Variants in OPHN1 observed in about 807,000 individuals in gnomAD.
OPHN1 encodes the protein oligophrenin 1, also known as oligophrenin-1.
OPHN1 carries 11 observed loss-of-function variants against 60.7 expected under a neutral mutation model. The ratio of observed to expected loss-of-function variants is 0.18; its 90% CI spans 0.11 to 0.30. OPHN1 has a LOEUF of 0.30. OPHN1 is among the 10% of genes least tolerant of loss of function. The pLI is 1.00. For synonymous variants in OPHN1, 226 were observed against 222.6 expected (o/e 1.02, Z -0.14); for missense variants, 449 against 611.0 (o/e 0.73, Z 2.80).
chrX:68,283,014 T>C lies in OPHN1; in HGVS notation c.312+42A>G, dbSNP rs1250332471. ...TAAAGGAAAGGAAAAATCCCCTATA[T>C]CACCCATGAACTCAGCTTCAGTGAC... On this transcript the variant is annotated intron_variant, in intron 4 of 24. Coordinates refer to ENST00000355520, the MANE Select transcript of OPHN1 (RefSeq NM_002547.3). 2.8e-6 allele frequency: 3 copies of C among 1,061,288 alleles called. No individual in the cohort carries two copies. The East Asian group carries it at 9.1e-5, about 32-fold the overall frequency. 87.5% of individuals were successfully genotyped at this position (1,061,288 alleles called of 1,213,427 possible).
intron 2 of OPHN1, among the ~76,000 whole-genome samples, chrX:68,379,215 C>G (rs1379874955): frequency 9.0e-6 from 1 of 110,923 alleles, no homozygotes; most frequent in Non-Finnish European, 1.9e-5. Context: ...GGAGTTCACT[C>G]ATGATTTGGC....
intron 5 of OPHN1, among the ~76,000 whole-genome samples, chrX:68,264,376 C>A (rs1442262730): frequency 9.0e-6 from 1 of 111,497 alleles, no homozygotes; most frequent in East Asian, 2.8e-4. Flanking sequence ...GGGCTAATAT[C>A]TAGAATCTAC....
chrX:68,195,757 T>C (rs1174241356), intron 12 of OPHN1, among the ~76,000 whole-genome samples: 1 of 112,014 alleles, frequency 8.9e-6, no homozygotes, highest in Non-Finnish European at 1.9e-5. Flanking sequence ...CCCACAGATA[T>C]TTCAGTGGGA....
chrX:68,245,538 C>T (rs2077801524), intron 5 of OPHN1, among the ~76,000 whole-genome samples: 1 of 111,643 alleles, frequency 9.0e-6, no homozygotes, highest in East Asian at 2.8e-4. Context: ...GTTGCTGAGA[C>T]CAAGTCTACA....
intron 2 of OPHN1, among the ~76,000 whole-genome samples, chrX:68,359,813 G>A (rs1235483464): frequency 2.2e-5 from 2 of 91,227 alleles, no homozygotes; most frequent in African/African-American, 9.0e-5. Flanking sequence ...CGGAGATCGT[G>A]CCACTGCACT....
intron 2 of OPHN1, among the ~76,000 whole-genome samples, chrX:68,336,252 A>G (rs1266799004): frequency 2.7e-5 from 3 of 111,166 alleles, no homozygotes; most frequent in Non-Finnish European, 5.7e-5. Flanking sequence ...GGCCAGGAAC[A>G]GTGTTCACGC....
At chrX:68,219,270 A>T (rs1172660223) in intron 6 of OPHN1, among the ~76,000 whole-genome samples, 1 of 79,660 alleles carries the variant, frequency 1.3e-5, no homozygotes, top group Non-Finnish European at 2.4e-5. Context: ...GAGCACCAAG[A>T]TTCATAAAGC....
intron 2 of OPHN1, among the ~76,000 whole-genome samples, chrX:68,351,391 C>T (rs1039629584): frequency 3.6e-5 from 4 of 111,642 alleles, no homozygotes; most frequent in South Asian, 3.7e-4. Context: ...CACAAAATTT[C>T]GATTTATCTG....
chrX:68,394,672 A>T (rs1326390758), intron 2 of OPHN1, among the ~76,000 whole-genome samples: 1 of 111,633 alleles, frequency 9.0e-6, no homozygotes, highest in African/African-American at 3.3e-5. Context: ...CTTGAGACTG[A>T]GTCTCATTCT....
At chrX:68,298,912 C>A in intron 3 of OPHN1, 89 bp downstream of exon 3, 1 of 559,794 alleles carries the variant, frequency 1.8e-6, no homozygotes. Flanking sequence ...ATGAAGATGT[C>A]CAAGTGCTCT....
chrX:68,396,707 C>T (rs942034938), intron 2 of OPHN1, among the ~76,000 whole-genome samples: 3 of 110,514 alleles, frequency 2.7e-5, no homozygotes, highest in Admixed American at 1.9e-4. Context: ...CCCAGCTACC[C>T]GGGAGGCTGA....
chrX:68,099,648 G>A (rs2077050382), intron 18 of OPHN1, among the ~76,000 whole-genome samples: 2 of 112,111 alleles, frequency 1.8e-5, no homozygotes, highest in South Asian at 7.4e-4. Context: ...TGGCAAATTA[G>A]AAGCTTGTGC....
chrX:68,291,839 G>A (rs1252215521), intron 3 of OPHN1, among the ~76,000 whole-genome samples: 1 of 110,836 alleles, frequency 9.0e-6, no homozygotes, highest in African/African-American at 3.3e-5. Flanking sequence ...TCTTTGAGAT[G>A]TTCCTCATTA....
chrX:68,328,776 C>T (rs911923257), intron 2 of OPHN1, among the ~76,000 whole-genome samples: 7 of 111,231 alleles, frequency 6.3e-5, no homozygotes, highest in African/African-American at 2.0e-4. Flanking sequence ...AAAATAAGCA[C>T]GTCACAAAAA....
At chrX:68,226,854 T>C (rs1378045212) in intron 6 of OPHN1, among the ~76,000 whole-genome samples, 1 of 111,488 alleles carries the variant, frequency 9.0e-6, no homozygotes, top group Non-Finnish European at 1.9e-5. Context: ...AACATCATAA[T>C]CACAGGATCA....
chrX:68,062,427 C>G (rs990027200), intron 21 of OPHN1, among the ~76,000 whole-genome samples: 3 of 111,952 alleles, frequency 2.7e-5, no homozygotes, highest in Non-Finnish European at 3.8e-5. Flanking sequence ...ATTTTCATGT[C>G]AAAAAATATT....
intron 2 of OPHN1, among the ~76,000 whole-genome samples, chrX:68,355,919 A>C (rs961659408): frequency 4.5e-5 from 5 of 110,973 alleles, no homozygotes; most frequent in African/African-American, 1.6e-4. Flanking sequence ...GGGTGGTGGC[A>C]CATGCCTATA....
chrX:68,155,451 T>C (rs2077305250), intron 15 of OPHN1, among the ~76,000 whole-genome samples: 1 of 112,005 alleles, frequency 8.9e-6, no homozygotes, highest in Non-Finnish European at 1.9e-5. Context: ...GCTGCTCTCC[T>C]GCCACCATGT....
Position 68,042,495 on chromosome X carries a change from C to T in OPHN1, c.*4677G>A, listed in dbSNP as rs1171477831. On this transcript the variant is annotated 3_prime_UTR_variant, in exon 25 of 25. Transcript: ENST00000355520. ...TCCTTGGCATCAAGTGCTTCATTTC[C>T]CCCAGGAAAATGAAGGCTTTTCTTT... The T allele has an allele frequency of 1.8e-5, 2 of 111,315 alleles. No individual in the cohort carries two copies. The highest frequency in any genetic ancestry group is 6.5e-5 in the African/African-American group (2 of 30,580). 9.2% of individuals were successfully genotyped at this position (111,315 alleles called of 1,213,427 possible).
Sources: allele counts gnomAD v4.1 joint callset (sites outside exome capture counted in the v4.1 genomes callset), GRCh38; gene constraint gnomAD v4.1.1; transcripts MANE v1.5; gene names NCBI Gene and HGNC (gene_info 2026-07-23, HGNC 2026-07-21).